The following GALK1 variants were observed in gnomAD, a reference collection of about 807,000 sequenced individuals.
The protein encoded by GALK1 is galactokinase 1, also known as galactokinase.
A neutral mutation model predicts 38.6 loss-of-function variants in GALK1; 30 were observed. The observed-to-expected ratio is 0.78, with a 90% confidence interval of 0.58 to 1.05. The LOEUF is 1.05. Among genes scored for constraint, GALK1 ranks in the 50% least tolerant of loss-of-function variants. GALK1 has a pLI of 0.00. For missense variants in GALK1, 512 were observed against 540.5 expected (o/e 0.95, Z 0.52); for synonymous variants, 240 against 233.6 (o/e 1.03, Z -0.25).
chr17:75,755,013 C>T, downstream of GALK1: 1 of 1,579,124 alleles, frequency 6.3e-7, no homozygotes, highest in Non-Finnish European at 8.6e-7. Flanking sequence ...CACATGCATG[C>T]ACACTCCCTG....
At chr17:75,759,944 A>G (rs2061580449) in intron 5 of GALK1, among the ~76,000 whole-genome samples, 1 of 152,168 alleles carries the variant, frequency 6.6e-6, no homozygotes, top group Non-Finnish European at 1.5e-5. Flanking sequence ...CTCACTGTAG[A>G]TTCCCCCATC....
chr17:75,757,538 C>G (rs770279787), downstream of GALK1: 7 of 1,613,472 alleles, frequency 4.3e-6, no homozygotes, highest in Middle Eastern at 3.3e-4. Flanking sequence ...CATGGACCAA[C>G]AGTTCTTCCA....
downstream of GALK1, chr17:75,755,692 T>G (rs1285724634): frequency 6.2e-7 from 1 of 1,612,676 alleles, no homozygotes. Flanking sequence ...TGCGGCCTCC[T>G]GTCCCCAGAC....
downstream of GALK1, chr17:75,755,147 C>A (rs199859829): frequency 8.7e-6 from 14 of 1,611,782 alleles, no homozygotes; most frequent in African/African-American, 1.1e-4. Flanking sequence ...AGGGTTCCCC[C>A]CTTCCAGGGG....
intron 5 of GALK1, among the ~76,000 whole-genome samples, chr17:75,760,656 G>T (rs1356477430): frequency 6.6e-6 from 1 of 151,750 alleles, no homozygotes; most frequent in South Asian, 2.1e-4. Context: ...CACGCCTGTA[G>T]TCCCAGCCAC....
In GALK1 at chr17:75,758,471, CCAT is replaced by C. The variant is rs1247635972; in HGVS notation, c.919_921del (p.Met307del). 1.9e-6 allele frequency: 3 copies of C among 1,575,696 alleles called. No homozygotes were observed. The highest frequency in any genetic ancestry group is 2.6e-6 in the Non-Finnish European group (3 of 1,162,696). On this transcript the variant is annotated inframe_deletion, in exon 6 of 8. Transcript: ENST00000588479. ...CACCTGAGTGAGCGGTGGCTCTCCA[CCAT>C]GAGGCGGCCAAAGGCTCTGTAGTCG... is the stretch of plus-strand genomic sequence containing the variant.
At chr17:75,753,793 G>A (rs747930115), downstream of GALK1, 3 of 1,459,708 alleles carry the variant, frequency 2.1e-6, no homozygotes, top group East Asian at 2.7e-5. Context: ...AGCCCCTGCT[G>A]GGGGAGGAGC....
chr17:75,753,985 C>T, downstream of GALK1: 1 of 1,163,286 alleles, frequency 8.6e-7, no homozygotes, highest in South Asian at 3.4e-5. Context: ...GTGACAGGCT[C>T]ACCCGCCGCC....
downstream of GALK1, chr17:75,756,696 G>A (rs1331032382): frequency 6.2e-7 from 1 of 1,613,304 alleles, no homozygotes; most frequent in Non-Finnish European, 8.5e-7. Flanking sequence ...TTCCTCTACT[G>A]CCCCCAGGCT....
chr17:75,755,719 G>A, downstream of GALK1: 1 of 1,612,912 alleles, frequency 6.2e-7, no homozygotes, highest in Non-Finnish European at 8.5e-7. Flanking sequence ...CTGACTGCTG[G>A]TGTGCCCGAC....
downstream of GALK1, chr17:75,754,364 G>T (rs536159625): frequency 4.8e-4 from 298 of 621,880 alleles, 5 homozygotes; most frequent in Admixed American, 8.0e-3. Flanking sequence ...TAGAGTGGCC[G>T]GCCAGAGGAT....
At chr17:75,752,250 G>A in intron 8 of GALK1, 11 of 1,613,676 alleles carry the variant, frequency 6.8e-6, no homozygotes, top group Non-Finnish European at 9.3e-6. Context: ...ACCTTCGGGA[G>A]TCCCAGCCCT....
At chr17:75,755,277 T>C, downstream of GALK1, 3 of 1,534,850 alleles carry the variant, frequency 2.0e-6, no homozygotes, top group South Asian at 1.2e-5. Context: ...CCAGCCACCA[T>C]AGCAGCCGCC....
rs2061605081 is a variant in GALK1, at chr17:75,765,056, C to T, written c.81G>A (p.Glu27=). The change falls in exon 1 of 8, where the codon GAG becomes GAA. Residue 27 remains glutamate (E), a synonymous_variant. Transcript: ENST00000588479. ...CCGGCGCTGACACGGCCAGCTCGGG[C>T]TCGGCCCCGAACTCCTCCCGGAAGG... ...RRAFREEFGA[E]PELAVSAPGR... is the part of the protein sequence containing the mutation. 1.2e-6 allele frequency: 2 copies of T among 1,604,580 alleles called. No individual in the cohort carries two copies. Among genetic ancestry groups the T allele is most frequent in the East Asian group, 2.2e-5 (1 of 44,508 alleles).
downstream of GALK1, chr17:75,757,231 G>A (rs1206240414): frequency 6.2e-7 from 1 of 1,611,884 alleles, no homozygotes. Context: ...GCCGTGCCGG[G>A]CTCTTCCAGC....
chr17:75,761,201 CAAATAAAT>C (rs576940782), intron 5 of GALK1, among the ~76,000 whole-genome samples: 3 of 151,004 alleles, frequency 2.0e-5, no homozygotes, highest in African/African-American at 4.9e-5. Flanking sequence ...GACTCTGTCT[CAAATAAAT>C]AAATAAATAA....
downstream of GALK1, chr17:75,756,914 C>T (rs748319749): frequency 3.1e-6 from 5 of 1,612,316 alleles, no homozygotes; most frequent in Non-Finnish European, 3.4e-6. Context: ...GAGGGGGCCG[C>T]AGACGCTGAA....
At position 75,758,167 on chromosome 17, in the gene GALK1, G is replaced by A. The variant is rs743554; in HGVS notation, c.1108-40C>T. On this transcript the variant is annotated intron_variant, in intron 7 of 7. Transcript: ENST00000588479. ...CTGGGGGTGAGTGGCAGGGCCCCGG[G>A]AAGCTGCCGCTCCTGCCCGCCCAGG... 240,581 of 1,609,576 alleles carry A rather than the reference G, an allele frequency of 0.15. 19,145 individuals are homozygous for A. Among genetic ancestry groups the A allele is most frequent in the African/African-American group, 0.23 (16,982 of 74,972 alleles).
At chr17:75,757,279 C>T (rs1415332430), downstream of GALK1, 4 of 1,611,000 alleles carry the variant, frequency 2.5e-6, no homozygotes, top group Non-Finnish European at 3.4e-6. Flanking sequence ...TCACCACCAC[C>T]CACACCAGCG....
Sources: gnomAD v4.1 joint callset for allele counts (sites outside exome capture counted in the v4.1 genomes callset) on GRCh38, gnomAD v4.1.1 for gene constraint, MANE v1.5 for transcripts, NCBI Gene and HGNC (gene_info 2026-07-23, HGNC 2026-07-21) for gene names.